COL6A5: variants seen among roughly 807,000 people sequenced by gnomAD.
COL6A5 encodes collagen alpha-5(VI) chain.
A neutral mutation model predicts 65.6 loss-of-function variants in COL6A5; 48 were observed. That is an observed-to-expected ratio of 0.73 (90% CI 0.58 to 0.93). The LOEUF is 0.93. COL6A5 is among the 40% of genes least tolerant of loss of function. COL6A5 has a pLI of 0.00. For synonymous variants in COL6A5, 291 were observed against 322.8 expected (o/e 0.90, Z 1.05); for missense variants, 914 against 928.3 (o/e 0.98, Z 0.20).
At chr3:130,465,701 G>T (rs1709799662) in intron 5 of COL6A5, among the ~76,000 whole-genome samples, 3 of 152,016 alleles carry the variant, frequency 2.0e-5, no homozygotes. Context: ...TCTGGCATAA[G>T]AAGCAGAAAA....
At chr3:130,408,840 A>C (rs1937086445) in intron 17 of COL6A5, among the ~76,000 whole-genome samples, 1 of 152,186 alleles carries the variant, frequency 6.6e-6, no homozygotes, top group Non-Finnish European at 1.5e-5. Flanking sequence ...CCGATAGAAC[A>C]TCCCTGTGGA....
At chr3:130,358,207 A>G (rs1376971546) in intron 1 of COL6A5, among the ~76,000 whole-genome samples, 1 of 152,088 alleles carries the variant, frequency 6.6e-6, no homozygotes, top group African/African-American at 2.4e-5. Flanking sequence ...AAATAAATAA[A>G]TAAAAAATTA....
intron 4 of COL6A5, among the ~76,000 whole-genome samples, chr3:130,449,723 C>T (rs990087380): frequency 5.3e-5 from 8 of 152,122 alleles, no homozygotes; most frequent in Non-Finnish European, 1.0e-4. Flanking sequence ...GGAGCCCATC[C>T]CAGGGCCACG....
intron 2 of COL6A5, 124 bp from the exon 35 acceptor site, chr3:130,440,042 A>G: frequency 1.3e-6 from 1 of 793,850 alleles, no homozygotes. Flanking sequence ...ATTATGTGAG[A>G]TCAAAGAGAT....
intron 1 of COL6A5, among the ~76,000 whole-genome samples, chr3:130,372,329 A>G (rs1935597269): frequency 6.6e-6 from 1 of 152,122 alleles, no homozygotes; most frequent in Non-Finnish European, 1.5e-5. Context: ...GTCCAGATAA[A>G]TGAAAATATA....
chr3:130,372,807 A>G (rs1935617841), intron 1 of COL6A5, among the ~76,000 whole-genome samples: 1 of 152,168 alleles, frequency 6.6e-6, no homozygotes, highest in Middle Eastern at 3.2e-3. Flanking sequence ...GATTCTATCA[A>G]TCTTCCTGAA....
chr3:130,354,113 GGGAA>G (rs988597446), intron 1 of COL6A5, among the ~76,000 whole-genome samples: 5 of 151,216 alleles, frequency 3.3e-5, no homozygotes, highest in Non-Finnish European at 5.9e-5. Context: ...AGAAAGAAAG[GGGAA>G]GGAAGGAAGG....
chr3:130,460,857 G>A (rs933377151), intron 5 of COL6A5, among the ~76,000 whole-genome samples: 2 of 151,596 alleles, frequency 1.3e-5, no homozygotes, highest in African/African-American at 4.8e-5. Flanking sequence ...TAGTAATGAT[G>A]CCAGTGGTGG....
At chr3:130,452,952 G>C (rs531030594) in intron 4 of COL6A5, among the ~76,000 whole-genome samples, 1 of 152,286 alleles carries the variant, frequency 6.6e-6, no homozygotes, top group South Asian at 2.1e-4. Context: ...TTTGAAAGAA[G>C]AGAAATACAG....
At chr3:130,466,768 T>A (rs191901251) in intron 5 of COL6A5, among the ~76,000 whole-genome samples, 2 of 151,962 alleles carry the variant, frequency 1.3e-5, no homozygotes, top group East Asian at 3.9e-4. Context: ...ATATCAGAAA[T>A]GAGAGGGGAG....
intron 7 of COL6A5, among the ~76,000 whole-genome samples, chr3:130,472,727 C>T (rs1016674445): frequency 4.0e-5 from 6 of 150,536 alleles, no homozygotes; most frequent in African/African-American, 1.2e-4. Context: ...AACAAAAATG[C>T]TCAACAGCAG....
intron 1 of COL6A5, among the ~76,000 whole-genome samples, chr3:130,357,177 G>T (rs1269784443): frequency 2.6e-5 from 4 of 152,122 alleles, no homozygotes; most frequent in Non-Finnish European, 5.9e-5. Context: ...TAGAAAAAAA[G>T]GGGGAATAAT....
At chr3:130,419,001 G>T (rs1350047568) in intron 25 of COL6A5, 70 bp downstream of exon 25, 9 of 1,260,162 alleles carry the variant, frequency 7.1e-6, no homozygotes, top group Non-Finnish European at 9.1e-6. Context: ...AGAAGGGGTT[G>T]ACACCTTCAG....
At chr3:130,455,956 C>T (rs1709562616) in intron 5 of COL6A5, among the ~76,000 whole-genome samples, 1 of 152,012 alleles carries the variant, frequency 6.6e-6, no homozygotes, top group African/African-American at 2.4e-5. Context: ...TAGAAGGAAG[C>T]AGTATAGTGA....
At chr3:130,456,629 GTATTTT>G (rs887309822) in intron 5 of COL6A5, among the ~76,000 whole-genome samples, 6 of 151,960 alleles carry the variant, frequency 3.9e-5, no homozygotes, top group African/African-American at 7.3e-5. Flanking sequence ...AAAAATATAT[GTATTTT>G]TAATTCCAAA....
At chr3:130,431,857 T>C in exon 1 of COL6A5, 1 of 1,551,638 alleles carries the variant, frequency 6.4e-7, no homozygotes, top group Non-Finnish European at 8.7e-7. Flanking sequence ...CAGTAGGTCA[T>C]CCATCATCAC....
chr3:130,381,047 T>A (rs377083493), intron 4 of COL6A5, among the ~76,000 whole-genome samples: 7 of 152,140 alleles, frequency 4.6e-5, no homozygotes, highest in African/African-American at 1.7e-4. Context: ...GGGCCAGGCC[T>A]CTTCACCTTT....
chr3:130,453,473 G>A (rs137870526), intron 4 of COL6A5, among the ~76,000 whole-genome samples: 14 of 152,052 alleles, frequency 9.2e-5, no homozygotes, highest in African/African-American at 3.4e-4. Context: ...CACTTATTAC[G>A]GCCTACCCAA....
At chr3:130,406,081 T>C in intron 15 of COL6A5, 50 bp from the exon 16 acceptor site, 1 of 1,547,414 alleles carries the variant, frequency 6.5e-7, no homozygotes, top group Admixed American at 2.0e-5. Context: ...CGAATAAGCG[T>C]GTGGCAGAGA....
Sources: gnomAD v4.1 joint callset for allele counts (sites outside exome capture counted in the v4.1 genomes callset) on GRCh38, gnomAD v4.1.1 for gene constraint, MANE v1.5 for transcripts, NCBI Gene and HGNC (gene_info 2026-07-23, HGNC 2026-07-21) for gene names.